CEP43: variants seen among roughly 807,000 people sequenced by gnomAD.
CEP43 encodes centrosomal protein 43, also known as FGFR1 oncogene partner.
In CEP43, 36 loss-of-function variants were observed where a neutral mutation model predicts 52.6. The ratio of observed to expected loss-of-function variants is 0.68; its 90% CI spans 0.52 to 0.90. CEP43 has a LOEUF of 0.90. Ranked by LOEUF, CEP43 falls within the 40% of genes least tolerant of loss-of-function variation. The pLI, the probability that CEP43 is intolerant of heterozygous loss-of-function variation, is 0.00. For synonymous variants in CEP43, 192 were observed against 172.4 expected, an observed-to-expected ratio of 1.11 and a Z score of -0.89; for missense variants, 506 against 472.8, an observed-to-expected ratio of 1.07 and a Z score of -0.65.
Position 167,052,586 on chromosome 6 carries a change from A to G in CEP43, c.*12608A>G, listed in dbSNP as rs1004919875. 1 of 152,240 alleles carries G rather than the reference A, an allele frequency of 6.6e-6. No homozygotes were observed. The highest frequency in any genetic ancestry group is 1.5e-5 in the Non-Finnish European group (1 of 68,046). 9.4% of individuals were successfully genotyped at this position (152,240 alleles called of 1,614,324 possible). A position where few individuals can be genotyped will look rare whatever the true frequency, so the allele number is the denominator to read the frequency against. On this transcript the variant is annotated 3_prime_UTR_variant, in exon 13 of 13. Coordinates refer to ENST00000366847, the MANE Select transcript of CEP43 (RefSeq NM_007045.4). ...GAACTTCTCGATTTTGCGGATTTCA[A>G]AATGGCTCCACGTACTCATAGTTTT...
intron 2 of CEP43, among the ~76,000 whole-genome samples, chr6:167,000,710 G>A (rs1396190962): frequency 6.6e-6 from 1 of 152,206 alleles, no homozygotes; most frequent in African/African-American, 2.4e-5. Context: ...CTTTAGACCT[G>A]TATACCTAAT....
In CEP43 at chr6:167,040,792, T is replaced by C. The variant is rs1351774483; in HGVS notation, c.*814T>C. 10 of 1,015,936 alleles carry C rather than the reference T, an allele frequency of 9.8e-6. No individual in the cohort carries two copies. Among genetic ancestry groups the C allele is most frequent in the Non-Finnish European group, 1.2e-5 (10 of 846,054 alleles). The allele number at this position is 1,015,936 out of a possible 1,614,324, so 62.9% of individuals were successfully genotyped here. A position where few individuals can be genotyped will look rare whatever the true frequency, so the allele number is the denominator to read the frequency against. ...TTAAGCAGTGCTTTTATTTCAGATCTGTAAGTTAATTGTATTAAAATCCAA... is the reference window on the plus strand; with the variant it reads ...TTAAGCAGTGCTTTTATTTCAGATCCGTAAGTTAATTGTATTAAAATCCAA... On this transcript the variant is annotated 3_prime_UTR_variant, in exon 13 of 13. Coordinates refer to ENST00000366847, the MANE Select transcript of CEP43 (RefSeq NM_007045.4).
chr6:167,032,305 C>T (rs918925916), intron 10 of CEP43, among the ~76,000 whole-genome samples: 1 of 152,204 alleles, frequency 6.6e-6, no homozygotes, highest in South Asian at 2.1e-4. Flanking sequence ...TATTGCTATA[C>T]GCCATTAAGT....
Position 167,000,081 on chromosome 6 carries a change from T to C in CEP43, c.124T>C (p.Phe42Leu). The stretch of plus-strand genomic sequence containing the variant: ...TAAGGCTGAACTCCGAGCAGCTGTG[T>C]TTTTAGCACTAGAGGAGCAAGAAAA... The part of the protein sequence containing the change: ...RIKAELRAAV[F>L]LALEEQEKVE... The change falls in exon 2 of 13, where the codon TTT (phenylalanine) becomes CTT (leucine). Residue 42 changes from phenylalanine (F) to leucine (L), a missense_variant. Phe to Leu is a conservative substitution (Grantham distance 22, BLOSUM62 0). Coordinates refer to ENST00000366847, the MANE Select transcript of CEP43 (RefSeq NM_007045.4). 1.2e-6 allele frequency: 2 copies of C among 1,612,826 alleles called. No homozygotes were observed. The highest frequency in any genetic ancestry group is 1.7e-6 in the Non-Finnish European group (2 of 1,179,106).
rs1583291345 is a variant in CEP43 at position 167,033,985 on chromosome 6, C to A, written c.1125+14C>A. ...ACCAGTGATAAGGTATGGTGTTCTG[C>A]ATTTCCCATAGAGTGCTTTTTTTTT... On this transcript the variant is annotated intron_variant, in intron 12 of 12. Transcript: ENST00000366847. 3 of 1,279,374 alleles carry A rather than the reference C, an allele frequency of 2.3e-6. No homozygotes were observed. The highest frequency in any genetic ancestry group is 3.3e-6 in the Non-Finnish European group (3 of 912,526). The allele number at this position is 1,279,374 out of a possible 1,614,324, so 79.3% of individuals were successfully genotyped here.
chr6:167,012,145 T>G (rs375777309), intron 6 of CEP43, among the ~76,000 whole-genome samples: 21 of 152,370 alleles, frequency 1.4e-4, no homozygotes, highest in African/African-American at 5.1e-4. Context: ...GTGATTATAC[T>G]ACACGATACC....
chr6:167,035,960 C>A, intron 12 of CEP43: 1 of 647,980 alleles, frequency 1.5e-6, no homozygotes, highest in South Asian at 6.9e-5. Context: ...AAGCATATAG[C>A]TCAGTGCTTA....
rs1203199383 is a variant in CEP43 at position 167,052,596 on chromosome 6, A to G, written c.*12618A>G. ...ATTTTGCGGATTTCAAAATGGCTCC[A>G]CGTACTCATAGTTTTCATGACAGAC... On this transcript the variant is annotated 3_prime_UTR_variant, in exon 13 of 13. Coordinates refer to ENST00000366847, the MANE Select transcript of CEP43 (RefSeq NM_007045.4). The G allele has an allele frequency of 2.6e-5, 4 of 152,214 alleles. No homozygotes were observed. The highest frequency in any genetic ancestry group is 5.9e-5 in the Non-Finnish European group (4 of 68,046). The allele number at this position is 152,214 out of a possible 1,614,324, so 9.4% of individuals were successfully genotyped here.
intron 2 of CEP43, among the ~76,000 whole-genome samples, chr6:167,000,951 A>T (rs1305046714): frequency 6.6e-6 from 1 of 152,180 alleles, no homozygotes. Context: ...AATCCTGTGG[A>T]TTGCTGATGT....
chr6:167,024,615 A>G (rs1435346768), intron 8 of CEP43, among the ~76,000 whole-genome samples, 167 bp from the exon 9 acceptor site: 1 of 151,900 alleles, frequency 6.6e-6, no homozygotes, highest in Non-Finnish European at 1.5e-5. Context: ...TGTAGTTTGC[A>G]CTCCCTTGGT....
intron 12 of CEP43, chr6:167,036,419 A>C: frequency 1.1e-5 from 11 of 985,436 alleles, no homozygotes; most frequent in Non-Finnish European, 1.2e-5. Flanking sequence ...AACTAGGAGC[A>C]GAGGCCCTGG....
intron 11 of CEP43, among the ~76,000 whole-genome samples, chr6:167,033,495 C>T (rs1015909883): frequency 2.6e-5 from 4 of 151,980 alleles, no homozygotes; most frequent in African/African-American, 9.7e-5. Context: ...AATTAGATGC[C>T]TGAGAATTTT....
At chr6:167,037,167 T>G (rs1185780565) in intron 12 of CEP43, among the ~76,000 whole-genome samples, 1 of 152,258 alleles carries the variant, frequency 6.6e-6, no homozygotes, top group Non-Finnish European at 1.5e-5. Flanking sequence ...GTTTTCTTTC[T>G]TGGTAACTAC....
intron 10 of CEP43, among the ~76,000 whole-genome samples, chr6:167,030,353 T>G (rs1471846014): frequency 6.6e-6 from 1 of 152,230 alleles, no homozygotes; most frequent in Admixed American, 6.5e-5. Context: ...CTGGTTTTAC[T>G]TAGCGCTTGC....
rs79819843 is a variant in CEP43, at chr6:167,031,659, C to G, written c.989-944C>G. Among the ~76,000 whole-genome samples, 1,296 of 152,300 alleles carry G rather than the reference C, an allele frequency of 8.5e-3. 13 individuals carry two copies. Among genetic ancestry groups the G allele is most frequent in the African/African-American group, 0.029 (1,218 of 41,572 alleles). On this transcript the variant is annotated intron_variant, in intron 10 of 12. Transcript: ENST00000366847. Reference sequence around the variant, plus strand: ...TGAACGGCTCTCTGTCATGCCAGGTCTTCTTTTTGTGATCTGCATCTTCTG... The same window carrying G: ...TGAACGGCTCTCTGTCATGCCAGGTGTTCTTTTTGTGATCTGCATCTTCTG...
intron 6 of CEP43, among the ~76,000 whole-genome samples, chr6:167,012,638 A>G (rs1365704761): frequency 6.6e-6 from 1 of 152,234 alleles, no homozygotes; most frequent in Non-Finnish European, 1.5e-5. Context: ...TAACCTATAT[A>G]TAATGTATGT....
chr6:167,018,157 T>TC (rs1383780757), intron 7 of CEP43, among the ~76,000 whole-genome samples: 3 of 151,958 alleles, frequency 2.0e-5, no homozygotes, highest in Non-Finnish European at 4.4e-5. Flanking sequence ...CTGTGTCTCT[T>TC]CCCCCCAGCA....
intron 7 of CEP43, among the ~76,000 whole-genome samples, chr6:167,016,255 T>C (rs1022562965): frequency 1.6e-4 from 24 of 152,306 alleles, no homozygotes; most frequent in Admixed American, 1.2e-3. Context: ...TACAAATAGT[T>C]TTCAGGTGTC....
rs542609078 is a variant in CEP43, at chr6:167,048,169, T to C, written c.*8191T>C. ...ACTTACGGAGACCAAGGCGGGCAGA[T>C]TGCTTGAGCTCAGGAGTTTGTGAGA... On this transcript the variant is annotated 3_prime_UTR_variant, in exon 13 of 13. Coordinates refer to ENST00000366847, the MANE Select transcript of CEP43 (RefSeq NM_007045.4). 1 of 139,678 alleles carries C rather than the reference T, an allele frequency of 7.2e-6. No individual in the cohort carries two copies. The highest frequency in any genetic ancestry group is 2.1e-4 in the East Asian group (1 of 4,750). The allele number at this position is 139,678 out of a possible 1,614,324, so 8.7% of individuals were successfully genotyped here. A position where few individuals can be genotyped will look rare whatever the true frequency, so the allele number is the denominator to read the frequency against.
Sources: allele counts gnomAD v4.1 joint callset (sites outside exome capture counted in the v4.1 genomes callset), GRCh38; gene constraint gnomAD v4.1.1; transcripts MANE v1.5; gene names NCBI Gene and HGNC (gene_info 2026-07-23, HGNC 2026-07-21).